The following CENPC variants were observed in gnomAD, a reference collection of about 807,000 sequenced individuals.
CENPC encodes CENP-C 1.
A neutral mutation model predicts 112.1 loss-of-function variants in CENPC; 63 were observed. The ratio of observed to expected loss-of-function variants is 0.56; its 90% CI spans 0.46 to 0.69. The LOEUF (loss-of-function observed/expected upper bound fraction) is 0.69, where lower values mean the gene tolerates loss of function less well. Ranked by LOEUF, CENPC falls within the 30% of genes least tolerant of loss-of-function variation. CENPC has a pLI of 0.00. For synonymous variants in CENPC, 333 were observed against 367.6 expected (o/e 0.91, Z 1.08); for missense variants, 1,000 against 1,103.8 (o/e 0.91, Z 1.33).
At chr4:67,527,470 A>C (rs1310222006) in intron 5 of CENPC, among the ~76,000 whole-genome samples, 1 of 150,420 alleles carries the variant, frequency 6.6e-6, no homozygotes, top group East Asian at 1.9e-4. Flanking sequence ...GAGCAGGAAC[A>C]ACGCTAGAAT....
At chr4:67,476,609 A>G (rs1209873433) in intron 17 of CENPC, among the ~76,000 whole-genome samples, 1 of 152,186 alleles carries the variant, frequency 6.6e-6, no homozygotes, top group Non-Finnish European at 1.5e-5. Context: ...CCACAGAAAG[A>G]AGGAAACTTC....
intron 12 of CENPC, among the ~76,000 whole-genome samples, chr4:67,498,914 T>C (rs1015930270): frequency 5.3e-5 from 8 of 152,248 alleles, no homozygotes; most frequent in African/African-American, 1.7e-4. Context: ...GAGGAATCAC[T>C]ACTTGTGGCA....
Position 67,471,469 on chromosome 4 carries a change from G to A in CENPC, c.*1136C>T, listed in dbSNP as rs532664045. ...TTCAGTGAAAACTAAATCTGTATGGGCCCAGATACTTGATTAGTCAAGCCT... is the reference window on the plus strand; with the variant it reads ...TTCAGTGAAAACTAAATCTGTATGGACCCAGATACTTGATTAGTCAAGCCT... On this transcript the variant is annotated 3_prime_UTR_variant, in exon 19 of 19. Transcript: ENST00000273853. The A allele has an allele frequency of 2.0e-5, 3 of 151,938 alleles. No individual in the cohort carries two copies. The highest frequency in any genetic ancestry group is 2.0e-4 in the Admixed American group (3 of 15,268). The allele number at this position is 151,938 out of a possible 1,614,324, so 9.4% of individuals were successfully genotyped here. A position where few individuals can be genotyped will look rare whatever the true frequency, so the allele number is the denominator to read the frequency against.
intron 7 of CENPC, among the ~76,000 whole-genome samples, chr4:67,516,115 G>C (rs1411595641): frequency 6.6e-6 from 1 of 151,920 alleles, no homozygotes; most frequent in African/African-American, 2.4e-5. Context: ...TACATGTTAA[G>C]AACATACAAA....
chr4:67,477,866 C>A (rs1724847569), intron 17 of CENPC, among the ~76,000 whole-genome samples: 1 of 151,954 alleles, frequency 6.6e-6, no homozygotes, highest in Non-Finnish European at 1.5e-5. Flanking sequence ...AAAACAATCA[C>A]AACTTCCAGA....
intron 12 of CENPC, among the ~76,000 whole-genome samples, chr4:67,500,677 C>T (rs1208923615): frequency 1.3e-5 from 2 of 151,932 alleles, no homozygotes; most frequent in Non-Finnish European, 2.9e-5. Context: ...ATTTTACAAC[C>T]CCATGGCATA....
In CENPC at chr4:67,523,440, T is replaced by C. The variant is rs576960684; in HGVS notation, c.332-3938A>G. Among the ~76,000 whole-genome samples the C allele has an allele frequency of 2.0e-5, 3 of 152,344 alleles. No individual in the cohort carries two copies. The South Asian group carries it at 6.2e-4, about 32-fold the overall frequency. ...AACAATTCTGACACTCTTTTACATG[T>C]ATACAGAAATGTAAAAGATAAGTAA... On this transcript the variant is annotated intron_variant, in intron 5 of 18. Transcript: ENST00000273853.
At chr4:67,534,841 C>A (rs1313407721) in intron 4 of CENPC, among the ~76,000 whole-genome samples, 1 of 152,060 alleles carries the variant, frequency 6.6e-6, no homozygotes, top group Non-Finnish European at 1.5e-5. Context: ...AGCTAAGGAT[C>A]ACTGGACATA....
chr4:67,506,790 T>C lies in CENPC; in HGVS notation c.2049A>G (p.Glu683=), dbSNP rs1198399398. 1.3e-6 allele frequency: 2 copies of C among 1,593,556 alleles called. No homozygotes were observed. The highest frequency in any genetic ancestry group is 1.7e-6 in the Non-Finnish European group (2 of 1,170,160). Residue 683 remains glutamate (E), a splice_region_variant and synonymous_variant, in exon 11 of 19, where the codon GAA becomes GAG. Coordinates refer to ENST00000273853, the MANE Select transcript of CENPC (RefSeq NM_001812.4). The part of the protein sequence containing the change: ...SGEHKTSVLE[E]SGPSRLNNNY... Reference sequence around the variant, plus strand: ...TTATCCTTACAATACACGCATACCTTTCCTCTAAAACTGAAGTCTTATGCT... The same window carrying C: ...TTATCCTTACAATACACGCATACCTCTCCTCTAAAACTGAAGTCTTATGCT...
chr4:67,472,796 A>C (rs1560415514), intron 18 of CENPC, 121 bp from the exon 19 acceptor site: 2 of 1,115,340 alleles, frequency 1.8e-6, no homozygotes, highest in South Asian at 3.7e-5. Context: ...AATTCACCTA[A>C]CCTAAAGTAA....
chr4:67,512,308 G>A lies in CENPC; in HGVS notation c.1612+94C>T. On this transcript the variant is annotated intron_variant, in intron 9 of 18. Coordinates refer to ENST00000273853, the MANE Select transcript of CENPC (RefSeq NM_001812.4). The stretch of plus-strand genomic sequence containing the variant: ...TGACCCAATTTAACTTGGTCCTCAT[G>A]ATATTCTCTATATAGAAATATAAAA... 9 of 884,616 alleles carry A rather than the reference G, an allele frequency of 1.0e-5. No individual in the cohort carries two copies. The South Asian group carries it at 1.4e-4, about 14-fold the overall frequency. 54.8% of individuals were successfully genotyped at this position (884,616 alleles called of 1,614,324 possible).
At chr4:67,495,812 T>A (rs1390336084) in intron 12 of CENPC, among the ~76,000 whole-genome samples, 1 of 152,252 alleles carries the variant, frequency 6.6e-6, no homozygotes, top group Non-Finnish European at 1.5e-5. Flanking sequence ...GTAAGTGTAC[T>A]GAATTTAGCA....
intron 9 of CENPC, among the ~76,000 whole-genome samples, chr4:67,511,183 CAA>C (rs1415476885): frequency 6.6e-6 from 1 of 152,106 alleles, no homozygotes; most frequent in Non-Finnish European, 1.5e-5. Context: ...GCAATCTACT[CAA>C]AGTGGAAGAG....
In CENPC at chr4:67,472,627, A is replaced by C; in HGVS notation, c.2810T>G (p.Leu937Arg). 1 of 1,518,460 alleles carries C rather than the reference A, an allele frequency of 6.6e-7. No homozygotes were observed. The highest frequency in any genetic ancestry group is 8.8e-7 in the Non-Finnish European group (1 of 1,137,072). The allele number at this position is 1,518,460 out of a possible 1,614,324, so 94.1% of individuals were successfully genotyped here. A position where few individuals can be genotyped will look rare whatever the true frequency, so the allele number is the denominator to read the frequency against. ...CTTTCATCTTTTTATCTGAGTAAAA[A>C]GAAGAACACTTTCCTCATTCCGGAG... The part of the protein sequence containing the change: ...KNLRNEESVL[L>R]FTQIKR Residue 937 changes from leucine (L) to arginine (R), a missense_variant, in exon 19 of 19, where the codon CTT becomes CGT. By Grantham distance (102) the Leu-to-Arg change is moderately radical. Coordinates refer to ENST00000273853, the MANE Select transcript of CENPC (RefSeq NM_001812.4).
At chr4:67,515,429 G>A (rs959371802) in intron 7 of CENPC, among the ~76,000 whole-genome samples, 3 of 151,542 alleles carry the variant, frequency 2.0e-5, no homozygotes, top group Admixed American at 6.6e-5. Flanking sequence ...TTGCACCACT[G>A]CACTCCAGCC....
intron 7 of CENPC, 50 bp from the exon 8 acceptor site, chr4:67,514,737 T>C: frequency 6.8e-7 from 1 of 1,477,164 alleles, no homozygotes; most frequent in Non-Finnish European, 9.0e-7. Flanking sequence ...AGCTTTTATA[T>C]TTGTTTAGTA....
intron 5 of CENPC, among the ~76,000 whole-genome samples, chr4:67,519,889 A>G (rs1726173194): frequency 6.6e-6 from 1 of 152,306 alleles, no homozygotes; most frequent in Admixed American, 6.5e-5. Context: ...CTTCAGAACG[A>G]GATGGCATTT....
chr4:67,483,857 T>A (rs1159727090), intron 17 of CENPC, among the ~76,000 whole-genome samples: 2 of 152,154 alleles, frequency 1.3e-5, no homozygotes, highest in Non-Finnish European at 2.9e-5. Flanking sequence ...TATGGTTGAA[T>A]TTTAAGTATT....
intron 18 of CENPC, chr4:67,474,656 CCACTG>C (rs1437525781): frequency 1.1e-4 from 46 of 412,992 alleles, no homozygotes; most frequent in Non-Finnish European, 8.7e-5. Context: ...TGAGATCGTG[CCACTG>C]CACTCCAGCC....
Sources: allele counts gnomAD v4.1 joint callset (sites outside exome capture counted in the v4.1 genomes callset), GRCh38; gene constraint gnomAD v4.1.1; transcripts MANE v1.5; gene names NCBI Gene and HGNC (gene_info 2026-07-23, HGNC 2026-07-21).